Variants in AFG1L observed in about 807,000 individuals in gnomAD.
AFG1L encodes the protein AFG1-like ATPase.
In AFG1L, 53 loss-of-function variants were observed where a neutral mutation model predicts 62.2. That is an observed-to-expected ratio of 0.85 (90% CI 0.68 to 1.07). The LOEUF (loss-of-function observed/expected upper bound fraction) is 1.07, where lower values mean the gene tolerates loss of function less well. Among genes scored for constraint, AFG1L ranks in the 50% least tolerant of loss-of-function variants. The pLI, the probability that AFG1L is intolerant of heterozygous loss-of-function variation, is 0.00. For missense variants in AFG1L, 555 were observed against 590.5 expected, an observed-to-expected ratio of 0.94 and a Z score of 0.62; for synonymous variants, 228 against 210.3, an observed-to-expected ratio of 1.08 and a Z score of -0.73.
intron 1 of AFG1L, among the ~76,000 whole-genome samples, chr6:108,309,815 A>T (rs1031330562): frequency 3.9e-5 from 6 of 152,168 alleles, no homozygotes; most frequent in East Asian, 1.9e-4. Flanking sequence ...TAATTAAAAA[A>T]TTTTTATTAT....
chr6:108,383,864 A>C (rs1319922835), intron 6 of AFG1L, among the ~76,000 whole-genome samples: 4 of 152,174 alleles, frequency 2.6e-5, no homozygotes, highest in Admixed American at 2.6e-4. Context: ...GCTAGAAAAC[A>C]GCAAAAAAGT....
At chr6:108,299,732 G>GT (rs1417065300) in intron 1 of AFG1L, among the ~76,000 whole-genome samples, 2 of 152,154 alleles carry the variant, frequency 1.3e-5, no homozygotes, top group Non-Finnish European at 2.9e-5. Flanking sequence ...GCGGCCAGGA[G>GT]TTTGAGACAA....
intron 10 of AFG1L, among the ~76,000 whole-genome samples, chr6:108,508,657 C>T (rs190394523): frequency 6.6e-5 from 10 of 152,300 alleles, no homozygotes; most frequent in Admixed American, 6.5e-4. Context: ...ACCTAACTCT[C>T]TGGATTTACT....
rs71558314 is a variant in AFG1L at position 108,318,974 on chromosome 6, A to G, written c.140-4851A>G. On this transcript the variant is annotated intron_variant, in intron 1 of 12. Transcript: ENST00000368977. ...CTGCTATCCAGGGCTAAGCTGGCCA[A>G]TCTGTCAGCCTTGAGTATCTTGCCT... 1.1e-3 allele frequency among the ~76,000 whole-genome samples: 175 copies of G among 152,320 alleles called. 1 individual carries two copies. The highest frequency in any genetic ancestry group is 6.4e-3 in the South Asian group (31 of 4,826).
At chr6:108,432,742 G>A (rs1366059823) in intron 7 of AFG1L, among the ~76,000 whole-genome samples, 2 of 152,170 alleles carry the variant, frequency 1.3e-5, no homozygotes, top group African/African-American at 4.8e-5. Flanking sequence ...GGCCCATTGG[G>A]ATTACCTAAG....
intron 7 of AFG1L, among the ~76,000 whole-genome samples, chr6:108,427,689 T>C (rs1165089032): frequency 1.3e-5 from 2 of 151,900 alleles, no homozygotes; most frequent in Non-Finnish European, 2.9e-5. Context: ...ACCCGGTTAA[T>C]TTTTGTATTT....
chr6:108,490,916 G>T (rs1304345537), intron 10 of AFG1L, among the ~76,000 whole-genome samples: 2 of 152,172 alleles, frequency 1.3e-5, no homozygotes, highest in East Asian at 3.8e-4. Context: ...AAAATCAAAA[G>T]AGGCACTGCT....
intron 6 of AFG1L, among the ~76,000 whole-genome samples, chr6:108,378,033 C>CTT (rs1312888746): frequency 1.3e-3 from 172 of 134,492 alleles, no homozygotes; most frequent in African/African-American, 4.4e-3. Flanking sequence ...AAAAATTCTT[C>CTT]TTTTTTTTTT....
At chr6:108,390,591 G>A (rs898880528) in intron 6 of AFG1L, among the ~76,000 whole-genome samples, 1 of 152,202 alleles carries the variant, frequency 6.6e-6, no homozygotes, top group African/African-American at 2.4e-5. Flanking sequence ...TAACTGTCAG[G>A]ACCCTCAGCT....
chr6:108,303,335 A>G (rs1777081893), intron 1 of AFG1L, among the ~76,000 whole-genome samples: 1 of 152,126 alleles, frequency 6.6e-6, no homozygotes, highest in Non-Finnish European at 1.5e-5. Flanking sequence ...GCGTGAGCCA[A>G]CATGCCCAGC....
At chr6:108,325,542 G>A (rs1279297577) in intron 2 of AFG1L, among the ~76,000 whole-genome samples, 5 of 151,744 alleles carry the variant, frequency 3.3e-5, no homozygotes, top group Admixed American at 3.3e-4. Flanking sequence ...CTAGAGGGCA[G>A]TGGTGTGATC....
intron 12 of AFG1L, chr6:108,521,341 T>A (rs1775116154): frequency 1.3e-5 from 2 of 151,430 alleles, no homozygotes; most frequent in South Asian, 4.2e-4. Flanking sequence ...AAAAATAAAA[T>A]AAAAAAAATT....
At chr6:108,444,545 G>A (rs1021367157) in intron 7 of AFG1L, among the ~76,000 whole-genome samples, 6 of 152,166 alleles carry the variant, frequency 3.9e-5, no homozygotes, top group Non-Finnish European at 8.8e-5. Flanking sequence ...CTTACAAGTT[G>A]AAATTACTTC....
intron 2 of AFG1L, among the ~76,000 whole-genome samples, chr6:108,327,323 C>G (rs1778086314): frequency 6.6e-6 from 1 of 152,230 alleles, no homozygotes; most frequent in African/African-American, 2.4e-5. Flanking sequence ...CTAGGCCTTA[C>G]AGTGCTCTGC....
At chr6:108,481,014 G>A (rs553199557) in intron 10 of AFG1L, among the ~76,000 whole-genome samples, 4 of 152,290 alleles carry the variant, frequency 2.6e-5, no homozygotes, top group African/African-American at 9.6e-5. Context: ...GTCCAGCTAC[G>A]AGCCCCTCTG....
At chr6:108,343,357 G>GT (rs66810407) in intron 2 of AFG1L, among the ~76,000 whole-genome samples, 55,633 of 150,602 alleles carry the variant, frequency 0.37, 12,354 homozygotes, top group East Asian at 0.63. Flanking sequence ...CAACCTTTTT[G>GT]TTTTTTTTTA....
intron 1 of AFG1L, among the ~76,000 whole-genome samples, chr6:108,316,806 A>C (rs1777622534): frequency 6.6e-6 from 1 of 152,116 alleles, no homozygotes; most frequent in African/African-American, 2.4e-5. Flanking sequence ...TCCTGGGATT[A>C]CAAGCATGAG....
intron 2 of AFG1L, among the ~76,000 whole-genome samples, chr6:108,336,896 A>C (rs1778495879): frequency 6.6e-6 from 1 of 152,366 alleles, no homozygotes; most frequent in African/African-American, 2.4e-5. Context: ...AACGCCTAAC[A>C]AGGACCTTTT....
intron 10 of AFG1L, among the ~76,000 whole-genome samples, chr6:108,486,741 C>T (rs552821938): frequency 7.8e-4 from 118 of 151,776 alleles, no homozygotes; most frequent in African/African-American, 2.0e-3. Flanking sequence ...TTTTTTGAGA[C>T]GGAGTCTTGC....
Sources: allele counts gnomAD v4.1 joint callset (sites outside exome capture counted in the v4.1 genomes callset), GRCh38; gene constraint gnomAD v4.1.1; transcripts MANE v1.5; gene names NCBI Gene and HGNC (gene_info 2026-07-23, HGNC 2026-07-21).